Variants in GPR149 observed in about 807,000 individuals in gnomAD.
GPR149 encodes G protein-coupled receptor 149.
In GPR149, 50 loss-of-function variants were observed where a neutral mutation model predicts 50.2. The observed-to-expected ratio is 1.00, with a 90% CI of 0.79 to 1.26. The LOEUF (loss-of-function observed/expected upper bound fraction) is 1.26. Ranked by LOEUF, GPR149 falls within the 50% of genes most tolerant of loss-of-function variation. The pLI is 0.00. For missense variants in GPR149, 983 were observed against 895.4 expected, an observed-to-expected ratio of 1.10 and a Z score of -1.25; for synonymous variants, 405 against 358.2, an observed-to-expected ratio of 1.13 and a Z score of -1.48.
intron 3 of GPR149, among the ~76,000 whole-genome samples, chr3:154,419,329 C>G (rs897571229): frequency 3.3e-5 from 5 of 152,048 alleles, no homozygotes; most frequent in African/African-American, 1.2e-4. Flanking sequence ...CTGATTCTTT[C>G]ACGTTTCTAG....
chr3:154,356,213 C>G (rs1226654008), intron 3 of GPR149, among the ~76,000 whole-genome samples: 3 of 152,076 alleles, frequency 2.0e-5, no homozygotes, highest in Non-Finnish European at 2.9e-5. Flanking sequence ...TATGTTAGTC[C>G]ATTTTCACGC....
chr3:154,364,813 G>A (rs1394943576), intron 3 of GPR149, among the ~76,000 whole-genome samples: 1 of 152,222 alleles, frequency 6.6e-6, no homozygotes, highest in East Asian at 1.9e-4. Context: ...GTTCTCATGA[G>A]TTGGAGTCAT....
intron 3 of GPR149, among the ~76,000 whole-genome samples, chr3:154,341,338 T>A (rs994808986): frequency 2.5e-5 from 3 of 122,000 alleles, no homozygotes; most frequent in Admixed American, 8.2e-5. Context: ...TATATATATA[T>A]ATAAAATGAG....
At chr3:154,369,534 C>T (rs532324050) in intron 3 of GPR149, among the ~76,000 whole-genome samples, 1 of 152,276 alleles carries the variant, frequency 6.6e-6, no homozygotes, top group Admixed American at 6.5e-5. Context: ...TGACTCTCCT[C>T]CATCCGGTCC....
At chr3:154,372,020 T>C (rs1413059302) in intron 3 of GPR149, among the ~76,000 whole-genome samples, 2 of 151,404 alleles carry the variant, frequency 1.3e-5, no homozygotes, top group East Asian at 3.9e-4. Flanking sequence ...GCCTAAAAAG[T>C]TCCCCTCTGG....
intron 3 of GPR149, chr3:154,354,891 A>G (rs906184756): frequency 2.4e-5 from 5 of 208,698 alleles, no homozygotes; most frequent in African/African-American, 7.1e-5. Flanking sequence ...GCTTTACTCA[A>G]ATCACACTGA....
In GPR149 at chr3:154,336,409, G is replaced by A. The variant is rs1255736238; in HGVS notation, c.*1290C>T. Reference sequence around the variant, plus strand: ...ATAAAGTATGTGAGTGATGTGAGGGGCACAAAGTCTAAGACTATGTAAAGT... The same window carrying A: ...ATAAAGTATGTGAGTGATGTGAGGGACACAAAGTCTAAGACTATGTAAAGT... On this transcript the variant is annotated 3_prime_UTR_variant, in exon 4 of 4. Transcript: ENST00000389740. 1 of 152,030 alleles carries A rather than the reference G, an allele frequency of 6.6e-6. No individual in the cohort carries two copies. The highest frequency in any genetic ancestry group is 1.5e-5 in the Non-Finnish European group (1 of 67,924). 9.4% of individuals were successfully genotyped at this position (152,030 alleles called of 1,614,324 possible). A position where few individuals can be genotyped will look rare whatever the true frequency, so the allele number is the denominator to read the frequency against.
At chr3:154,381,533 C>T (rs1156896416) in intron 3 of GPR149, among the ~76,000 whole-genome samples, 3 of 152,050 alleles carry the variant, frequency 2.0e-5, no homozygotes, top group Admixed American at 6.6e-5. Context: ...CTCTGTTAGT[C>T]GTCAAGTTTT....
At chr3:154,418,312 T>C (rs1712044413) in intron 3 of GPR149, among the ~76,000 whole-genome samples, 1 of 103,842 alleles carries the variant, frequency 9.6e-6, no homozygotes, top group East Asian at 2.4e-4. Context: ...ATCCCATTAC[T>C]GGGTATATAC....
chr3:154,418,426 C>A (rs1439321727), intron 3 of GPR149, among the ~76,000 whole-genome samples: 6 of 108,990 alleles, frequency 5.5e-5, no homozygotes, highest in Middle Eastern at 3.8e-3. Context: ...AAATGCCCAA[C>A]AATGATAGAC....
intron 2 of GPR149, among the ~76,000 whole-genome samples, chr3:154,421,998 A>G (rs1341749700): frequency 6.6e-6 from 1 of 151,744 alleles, no homozygotes; most frequent in African/African-American, 2.4e-5. Flanking sequence ...TGTCATTTAT[A>G]TGTCTATAAG....
chr3:154,412,613 A>G (rs993385680), intron 3 of GPR149, among the ~76,000 whole-genome samples: 1 of 151,474 alleles, frequency 6.6e-6, no homozygotes, highest in Non-Finnish European at 1.5e-5. Context: ...GAGGTGAAAG[A>G]CAAGAAAAGC....
intron 3 of GPR149, among the ~76,000 whole-genome samples, chr3:154,387,230 T>C (rs1356135146): frequency 6.6e-6 from 1 of 152,228 alleles, no homozygotes; most frequent in African/African-American, 2.4e-5. Context: ...CAGTGAAAGC[T>C]GTAATGACTT....
intron 3 of GPR149, among the ~76,000 whole-genome samples, chr3:154,357,883 T>G (rs1247172022): frequency 1.3e-5 from 2 of 152,140 alleles, no homozygotes; most frequent in African/African-American, 4.8e-5. Context: ...AAGACTTGGA[T>G]CCAACCCAAA....
chr3:154,424,471 A>C (rs1351099574), intron 2 of GPR149, among the ~76,000 whole-genome samples: 1 of 151,912 alleles, frequency 6.6e-6, no homozygotes, highest in Non-Finnish European at 1.5e-5. Context: ...TGATTTATTT[A>C]TAGGAGGAAG....
rs34792862 is a variant in GPR149 at position 154,429,133 on chromosome 3, A to G, written c.483T>C (p.Ser161=). 244,246 of 1,613,488 alleles carry G rather than the reference A, an allele frequency of 0.15. 19,523 individuals carry two copies. Among genetic ancestry groups the G allele is most frequent in the East Asian group, 0.27 (12,017 of 44,826 alleles). ...ACAGCGGGAGCGCCGAGAGCAGCAG[A>G]CTGGCTGCCCACACGGTCAGCACCA... ...LGVVLTVWAA[S]LLLSALPLCG... The change falls in exon 1 of 4, where the codon AGT becomes AGC. Residue 161 remains serine (S), a synonymous_variant. Coordinates refer to ENST00000389740, the MANE Select transcript of GPR149 (RefSeq NM_001038705.3).
At chr3:154,354,010 T>C (rs1714153526) in intron 3 of GPR149, 1 of 461,422 alleles carries the variant, frequency 2.2e-6, no homozygotes, top group Admixed American at 3.2e-5. Context: ...ATACTTGCTT[T>C]GATTTTTTTT....
chr3:154,367,885 A>G (rs1381650957), intron 3 of GPR149, among the ~76,000 whole-genome samples: 2 of 152,254 alleles, frequency 1.3e-5, no homozygotes, highest in East Asian at 1.9e-4. Flanking sequence ...TTCGCTTGCT[A>G]TTCTGTCCTG....
chr3:154,345,289 G>C (rs893297797), intron 3 of GPR149, among the ~76,000 whole-genome samples: 3 of 152,120 alleles, frequency 2.0e-5, no homozygotes, highest in Non-Finnish European at 2.9e-5. Context: ...TATAATAAAT[G>C]ATGATAGTTA....
Sources: gnomAD v4.1 joint callset for allele counts (sites outside exome capture counted in the v4.1 genomes callset) on GRCh38, gnomAD v4.1.1 for gene constraint, MANE v1.5 for transcripts, NCBI Gene and HGNC (gene_info 2026-07-23, HGNC 2026-07-21) for gene names.